The following CCDC102B variants were observed in gnomAD, a reference collection of about 807,000 sequenced individuals.
CCDC102B encodes the protein coiled-coil domain containing 102B, also known as coiled-coil domain-containing protein 102B.
Under a neutral mutation model 57.4 loss-of-function variants are expected in CCDC102B, and 75 were observed. The ratio of observed to expected loss-of-function variants is 1.31; its 90% confidence interval spans 1.08 to 1.58. CCDC102B has a LOEUF of 1.58. Ranked by LOEUF, CCDC102B falls within the 40% of genes most tolerant of loss-of-function variation. CCDC102B has a pLI of 0.00. For synonymous variants in CCDC102B, 206 were observed against 201.9 expected, an observed-to-expected ratio of 1.02 and a Z score of -0.17; for missense variants, 636 against 582.6, an observed-to-expected ratio of 1.09 and a Z score of -0.94.
intron 6 of CCDC102B, among the ~76,000 whole-genome samples, chr18:68,927,965 G>A (rs528690045): frequency 1.3e-4 from 20 of 151,990 alleles, no homozygotes; most frequent in African/African-American, 3.6e-4. Flanking sequence ...CACACAAAAC[G>A]TTTAACTTAC....
chr18:68,846,251 A>G, intron 3 of CCDC102B, 62 bp from the exon 4 acceptor site: 1 of 1,027,930 alleles, frequency 9.7e-7, no homozygotes, highest in Non-Finnish European at 1.3e-6. Context: ...AATTGAATGC[A>G]TCCTTGAAAG....
intron 6 of CCDC102B, among the ~76,000 whole-genome samples, chr18:68,967,485 G>A: frequency 6.6e-6 from 1 of 152,118 alleles, no homozygotes; most frequent in East Asian, 1.9e-4. Flanking sequence ...AATAAGATTA[G>A]ATTTGAACGA....
chr18:68,765,964 T>G (rs1312961643), intron 2 of CCDC102B, among the ~76,000 whole-genome samples: 4 of 152,134 alleles, frequency 2.6e-5, no homozygotes, highest in Admixed American at 2.0e-4. Context: ...ATAGCAGTTT[T>G]GGCTTGTTAG....
At chr18:68,960,539 C>A (rs996731870) in intron 6 of CCDC102B, among the ~76,000 whole-genome samples, 1 of 152,112 alleles carries the variant, frequency 6.6e-6, no homozygotes, top group African/African-American at 2.4e-5. Flanking sequence ...GTGGTGTGAA[C>A]CTCAAGTACA....
intron 2 of CCDC102B, among the ~76,000 whole-genome samples, chr18:68,785,418 G>A (rs1180090736): frequency 6.6e-6 from 1 of 152,092 alleles, no homozygotes; most frequent in Non-Finnish European, 1.5e-5. Context: ...CTTCCACAAT[G>A]GTTGAACTAG....
intron 2 of CCDC102B, chr18:68,721,477 C>T (rs1185262942): frequency 6.6e-6 from 1 of 152,134 alleles, no homozygotes; most frequent in Non-Finnish European, 1.5e-5. Context: ...ACAGGATGCA[C>T]TCTTCTGAAT....
At chr18:69,037,681 A>G (rs1599882138) in intron 7 of CCDC102B, among the ~76,000 whole-genome samples, 1 of 152,014 alleles carries the variant, frequency 6.6e-6, no homozygotes, top group South Asian at 2.1e-4. Flanking sequence ...AACAAACACC[A>G]CTGCCAATAA....
intron 1 of CCDC102B, among the ~76,000 whole-genome samples, chr18:68,824,502 C>T (rs866766117): frequency 1.3e-5 from 2 of 152,178 alleles, no homozygotes; most frequent in South Asian, 4.1e-4. Context: ...TTATTTCTTT[C>T]TCTTGCCTGA....
intron 6 of CCDC102B, among the ~76,000 whole-genome samples, chr18:68,943,031 G>A (rs1167992428): frequency 8.7e-6 from 1 of 115,094 alleles, no homozygotes; most frequent in African/African-American, 2.7e-5. Context: ...GTTTAACAAA[G>A]CACATCCTGC....
chr18:69,011,632 A>G (rs1358616294), intron 7 of CCDC102B, among the ~76,000 whole-genome samples: 1 of 150,616 alleles, frequency 6.6e-6, no homozygotes, highest in East Asian at 2.0e-4. Context: ...CACAGTTACA[A>G]CTGTGGGGGT....
At chr18:68,832,376 G>T (rs866895658) in intron 1 of CCDC102B, among the ~76,000 whole-genome samples, 3 of 152,154 alleles carry the variant, frequency 2.0e-5, no homozygotes, top group South Asian at 2.1e-4. Context: ...AGTTGTGATT[G>T]TTAGTTTGGT....
chr18:68,995,848 C>T (rs1014993937), intron 6 of CCDC102B, among the ~76,000 whole-genome samples: 7 of 152,100 alleles, frequency 4.6e-5, no homozygotes, highest in African/African-American at 1.2e-4. Context: ...CAGCTTGAAC[C>T]GTGTGCTTGG....
chr18:68,867,586 A>G (rs1393975586), intron 4 of CCDC102B, among the ~76,000 whole-genome samples: 2 of 152,098 alleles, frequency 1.3e-5, no homozygotes, highest in Non-Finnish European at 2.9e-5. Context: ...CATTATTGAA[A>G]GAAGAGAGAG....
intron 7 of CCDC102B, among the ~76,000 whole-genome samples, chr18:69,049,870 C>G (rs1175419058): frequency 6.6e-6 from 1 of 151,680 alleles, no homozygotes; most frequent in East Asian, 1.9e-4. Flanking sequence ...AGTGCAGTGG[C>G]TCAATCTCGG....
intron 4 of CCDC102B, among the ~76,000 whole-genome samples, chr18:68,857,269 A>ATTT (rs1360574233): frequency 0.35 from 7,702 of 22,090 alleles, 1,996 homozygotes; most frequent in Non-Finnish European, 0.54. Context: ...ATATATAAAT[A>ATTT]TATATATAAT....
At chr18:68,911,669 G>C (rs969791213) in intron 6 of CCDC102B, among the ~76,000 whole-genome samples, 1 of 139,576 alleles carries the variant, frequency 7.2e-6, no homozygotes, top group Non-Finnish European at 1.5e-5. Flanking sequence ...GGAGAATGGC[G>C]TGAACCCGGG....
intron 1 of CCDC102B, among the ~76,000 whole-genome samples, chr18:68,806,852 CTG>C (rs1319871891): frequency 2.6e-5 from 4 of 152,054 alleles, no homozygotes; most frequent in African/African-American, 2.4e-5. Context: ...ACGTTTCATG[CTG>C]TGTTTAATTA....
intron 6 of CCDC102B, among the ~76,000 whole-genome samples, chr18:68,903,232 A>C (rs1347754535): frequency 6.6e-6 from 1 of 152,168 alleles, no homozygotes; most frequent in Non-Finnish European, 1.5e-5. Flanking sequence ...GAAATCAAAA[A>C]AGAACTTTAG....
chr18:68,870,595 G>A (rs149899687), intron 4 of CCDC102B, among the ~76,000 whole-genome samples: 236 of 152,316 alleles, frequency 1.5e-3, no homozygotes, highest in African/African-American at 5.5e-3. Flanking sequence ...TATTTTAGAA[G>A]AGATGTCTCT....
Sources: allele counts gnomAD v4.1 joint callset (sites outside exome capture counted in the v4.1 genomes callset), GRCh38; gene constraint gnomAD v4.1.1; transcripts MANE v1.5; gene names NCBI Gene and HGNC (gene_info 2026-07-23, HGNC 2026-07-21).